NRG3: variants seen among roughly 807,000 people sequenced by gnomAD.
NRG3 encodes pro-neuregulin-3, membrane-bound isoform.
In NRG3, 31 loss-of-function variants were observed where a neutral mutation model predicts 66.9. That is an observed-to-expected ratio of 0.46 (90% confidence interval 0.35 to 0.63). The LOEUF (loss-of-function observed/expected upper bound fraction) is 0.63, where lower values mean the gene tolerates loss of function less well. Among genes scored for constraint, NRG3 ranks in the 20% least tolerant of loss-of-function variants. The pLI, the probability that NRG3 is intolerant of heterozygous loss-of-function variation, is 0.00. For synonymous variants in NRG3, 393 were observed against 359.4 expected (o/e 1.09, Z -1.06); for missense variants, 910 against 878.9 (o/e 1.04, Z -0.45).
At chr10:82,604,188 C>T (rs538139684) in intron 2 of NRG3, among the ~76,000 whole-genome samples, 1 of 152,232 alleles carries the variant, frequency 6.6e-6, no homozygotes, top group East Asian at 1.9e-4. Context: ...TTTTGTTCCA[C>T]CTATTCATCC....
intron 3 of NRG3, among the ~76,000 whole-genome samples, chr10:82,791,498 C>A (rs2060585930): frequency 1.3e-5 from 2 of 151,810 alleles, no homozygotes; most frequent in African/African-American, 4.8e-5. Context: ...TGTGCTGGGG[C>A]AAGCCTTCAG....
rs59189864 is a variant in NRG3, at chr10:82,717,390, CTTTTTTTTTTTT to C, written c.954-21171_954-21160del. Among the ~76,000 whole-genome samples, 6 of 83,576 alleles carry C rather than the reference CTTTTTTTTTTTT, an allele frequency of 7.2e-5. 1 individual carries two copies. The South Asian group carries it at 1.5e-3, about 22-fold the overall frequency. 54.8% of individuals were successfully genotyped at this position (83,576 alleles called of 152,430 possible). A position where few individuals can be genotyped will look rare whatever the true frequency, so the allele number is the denominator to read the frequency against. ...TATATAAAATGAAGCATTGGAAAAGCTTTTTTTTTTTTTTTTTTTTTTTTTTTGAGATGGAGT... is the reference window on the plus strand; with the variant it reads ...TATATAAAATGAAGCATTGGAAAAGCTTTTTTTTTTTTTTTGAGATGGAGT... On this transcript the variant is annotated intron_variant, in intron 2 of 8. Coordinates refer to ENST00000372141, the MANE Select transcript of NRG3 (RefSeq NM_001010848.4).
chr10:82,134,682 G>A (rs1231621271), intron 1 of NRG3, among the ~76,000 whole-genome samples: 1 of 151,980 alleles, frequency 6.6e-6, no homozygotes, highest in Non-Finnish European at 1.5e-5. Flanking sequence ...TAGTTTGAAG[G>A]TGGGCAACAT....
intron 1 of NRG3, among the ~76,000 whole-genome samples, chr10:82,057,041 T>C (rs902072633): frequency 6.6e-6 from 1 of 152,164 alleles, no homozygotes; most frequent in Admixed American, 6.5e-5. Context: ...ATCATTGTCT[T>C]TATTTTCTAT....
At chr10:82,786,510 A>C (rs2060371272) in intron 3 of NRG3, among the ~76,000 whole-genome samples, 1 of 152,052 alleles carries the variant, frequency 6.6e-6, no homozygotes, top group African/African-American at 2.4e-5. Flanking sequence ...GGAAGCATGT[A>C]ACTTTTTTGA....
rs993501413 is a variant in NRG3 at position 82,275,835 on chromosome 10, T to A, written c.824-82904T>A. On this transcript the variant is annotated intron_variant, in intron 1 of 8. Coordinates refer to ENST00000372141, the MANE Select transcript of NRG3 (RefSeq NM_001010848.4). Reference sequence around the variant, plus strand: ...TAAAATGTGCAGAATGTAACTGTGCTTTTACTTTAAGTTTAGGAGGAAAAC... The same window carrying A: ...TAAAATGTGCAGAATGTAACTGTGCATTTACTTTAAGTTTAGGAGGAAAAC... 2.0e-5 allele frequency among the ~76,000 whole-genome samples: 3 copies of A among 152,166 alleles called. No homozygotes were observed. In the East Asian group the frequency reaches 5.8e-4, roughly 29 times the overall value.
chr10:82,936,469 C>T (rs76377576), intron 4 of NRG3, among the ~76,000 whole-genome samples: 4 of 151,948 alleles, frequency 2.6e-5, no homozygotes, highest in Non-Finnish European at 5.9e-5. Flanking sequence ...AAGATGGGGT[C>T]GGGGAGATGT....
chr10:82,718,683 C>G (rs923502512), intron 2 of NRG3, among the ~76,000 whole-genome samples: 1 of 152,196 alleles, frequency 6.6e-6, no homozygotes, highest in Non-Finnish European at 1.5e-5. Flanking sequence ...TGTCAAGTGT[C>G]TAGCACAGAA....
At chr10:82,772,819 C>T (rs2059767654) in intron 3 of NRG3, among the ~76,000 whole-genome samples, 1 of 150,534 alleles carries the variant, frequency 6.6e-6, no homozygotes, top group Non-Finnish European at 1.5e-5. Flanking sequence ...AACACTCTGA[C>T]CTCAGCCTCC....
intron 1 of NRG3, among the ~76,000 whole-genome samples, chr10:82,270,750 C>T (rs1038407806): frequency 1.3e-5 from 2 of 152,076 alleles, no homozygotes; most frequent in African/African-American, 4.8e-5. Context: ...TGTTCAATCA[C>T]AAATAATATC....
intron 2 of NRG3, among the ~76,000 whole-genome samples, chr10:82,389,618 A>G (rs1185737657): frequency 6.6e-6 from 1 of 152,186 alleles, no homozygotes; most frequent in Non-Finnish European, 1.5e-5. Flanking sequence ...AACGAGGGTA[A>G]CTGGTGAATA....
chr10:81,997,159 A>G (rs1473697007), intron 1 of NRG3, among the ~76,000 whole-genome samples: 1 of 152,150 alleles, frequency 6.6e-6, no homozygotes, highest in Non-Finnish European at 1.5e-5. Flanking sequence ...TGGGCCCCAC[A>G]GTGCCTGCAG....
intron 1 of NRG3, among the ~76,000 whole-genome samples, chr10:82,349,516 T>C (rs1162008169): frequency 6.6e-6 from 1 of 151,810 alleles, no homozygotes; most frequent in Non-Finnish European, 1.5e-5. Flanking sequence ...TGCTGTCTTT[T>C]TGTTTGTCTG....
intron 2 of NRG3, among the ~76,000 whole-genome samples, chr10:82,672,685 A>G (rs1390694416): frequency 6.6e-6 from 1 of 152,204 alleles, no homozygotes; most frequent in Non-Finnish European, 1.5e-5. Context: ...AAACAATTCC[A>G]GGCCTGGGCC....
intron 2 of NRG3, among the ~76,000 whole-genome samples, 164 bp from the exon 3 acceptor site, chr10:82,738,413 A>T (rs184981096): frequency 6.6e-6 from 1 of 152,232 alleles, no homozygotes; most frequent in African/African-American, 2.4e-5. Flanking sequence ...AAGAAATAGA[A>T]TTGAGAATCT....
At position 82,564,268 on chromosome 10, in the gene NRG3, T is replaced by C. The variant is rs1292819973; in HGVS notation, c.954-174309T>C. On this transcript the variant is annotated intron_variant, in intron 2 of 8. Coordinates refer to ENST00000372141, the MANE Select transcript of NRG3 (RefSeq NM_001010848.4). ...GCTTGAGCTGAGGCTGTCAGTGATA[T>C]TATTTTGCATAATTATATTTTCTGT... 2.6e-5 allele frequency among the ~76,000 whole-genome samples: 4 copies of C among 152,180 alleles called. No individual in the cohort carries two copies. In the East Asian group the frequency reaches 7.7e-4, roughly 29 times the overall value.
chr10:82,117,409 C>G (rs1016143978), intron 1 of NRG3, among the ~76,000 whole-genome samples: 1 of 152,192 alleles, frequency 6.6e-6, no homozygotes, highest in African/African-American at 2.4e-5. Context: ...ACATCACTCA[C>G]TCACTTCCAA....
chr10:82,112,330 G>T, intron 1 of NRG3, among the ~76,000 whole-genome samples: 1 of 152,096 alleles, frequency 6.6e-6, no homozygotes. Context: ...AAACCTGGTA[G>T]ACCTAACATA....
At chr10:82,704,383 A>G (rs1428194203) in intron 2 of NRG3, among the ~76,000 whole-genome samples, 1 of 152,222 alleles carries the variant, frequency 6.6e-6, no homozygotes, top group Admixed American at 6.5e-5. Context: ...TTTTTGAGGG[A>G]CAGTTGGTAG....
Sources: allele counts gnomAD v4.1 joint callset (sites outside exome capture counted in the v4.1 genomes callset), GRCh38; gene constraint gnomAD v4.1.1; transcripts MANE v1.5; gene names NCBI Gene and HGNC (gene_info 2026-07-23, HGNC 2026-07-21).